TRPC7: variants seen among roughly 807,000 people sequenced by gnomAD.
The protein encoded by TRPC7 is transient receptor potential cation channel subfamily C member 7, also known as short transient receptor potential channel 7.
In TRPC7, 42 loss-of-function variants were observed where a neutral mutation model predicts 90.1. The observed-to-expected ratio is 0.47, with a 90% CI of 0.36 to 0.60. The LOEUF (loss-of-function observed/expected upper bound fraction) is 0.60. Ranked by LOEUF, TRPC7 falls within the 20% of genes least tolerant of loss-of-function variation. The pLI is 0.00. For synonymous variants in TRPC7, 451 were observed against 436.3 expected, an observed-to-expected ratio of 1.03 and a Z score of -0.42; for missense variants, 955 against 1,112.3, an observed-to-expected ratio of 0.86 and a Z score of 2.01.
At chr5:136,340,126 T>A (rs566178708) in intron 2 of TRPC7, among the ~76,000 whole-genome samples, 1 of 152,234 alleles carries the variant, frequency 6.6e-6, no homozygotes, top group African/African-American at 2.4e-5. Flanking sequence ...CACATTGGAA[T>A]ACTATCTAGT....
intron 7 of TRPC7, among the ~76,000 whole-genome samples, chr5:136,239,988 C>G (rs948204276): frequency 9.2e-5 from 14 of 152,214 alleles, no homozygotes; most frequent in African/African-American, 3.4e-4. Context: ...GCAGTTGCCA[C>G]AGCACTCTTC....
intron 5 of TRPC7, among the ~76,000 whole-genome samples, chr5:136,257,433 G>A (rs1047209761): frequency 1.3e-5 from 2 of 151,964 alleles, no homozygotes; most frequent in Non-Finnish European, 2.9e-5. Flanking sequence ...CTCCCACCTC[G>A]GCCTCCCAAA....
intron 4 of TRPC7, among the ~76,000 whole-genome samples, chr5:136,273,414 C>T (rs1490213992): frequency 6.6e-6 from 1 of 152,144 alleles, no homozygotes; most frequent in African/African-American, 2.4e-5. Context: ...GAAGCAAAAT[C>T]CTCAATAGAT....
rs150135379 is a variant in TRPC7, at chr5:136,325,390, G to A, written c.781-9611C>T. ...GAAAAGTAGCTGATGTGAGAAGTAGGGTCAAGAGAAGCTTGTTTTTTCCCT... is the reference window on the plus strand; with the variant it reads ...GAAAAGTAGCTGATGTGAGAAGTAGAGTCAAGAGAAGCTTGTTTTTTCCCT... On this transcript the variant is annotated intron_variant, in intron 2 of 11. Coordinates refer to ENST00000513104, the MANE Select transcript of TRPC7 (RefSeq NM_020389.3). Among the ~76,000 whole-genome samples the A allele has an allele frequency of 3.4e-3, 514 of 152,184 alleles. 1 individual carries two copies. Among genetic ancestry groups the A allele is most frequent in the African/African-American group, 0.011 (472 of 41,520 alleles).
intron 7 of TRPC7, 84 bp from the exon 8 acceptor site, chr5:136,231,633 C>G (rs560601476): frequency 9.1e-6 from 12 of 1,322,728 alleles, no homozygotes; most frequent in Middle Eastern, 2.7e-4. Flanking sequence ...GAGACAGGGT[C>G]TCACTCTGTT....
chr5:136,242,323 C>A (rs1462298105), intron 7 of TRPC7, among the ~76,000 whole-genome samples: 1 of 152,162 alleles, frequency 6.6e-6, no homozygotes, highest in East Asian at 1.9e-4. Context: ...GAGTTGCCAG[C>A]AGGTGTACTA....
chr5:136,303,559 G>C (rs1052868837), intron 3 of TRPC7, among the ~76,000 whole-genome samples: 18 of 152,052 alleles, frequency 1.2e-4, no homozygotes, highest in Admixed American at 9.2e-4. Flanking sequence ...CATTCCTCCA[G>C]AACCTCCTCC....
At chr5:136,360,486 G>A (rs1282850208) in intron 1 of TRPC7, among the ~76,000 whole-genome samples, 1 of 152,118 alleles carries the variant, frequency 6.6e-6, no homozygotes, top group Non-Finnish European at 1.5e-5. Context: ...AAAAAAATAT[G>A]TGTATAGCTA....
rs748520489 is a variant in TRPC7, at chr5:136,247,497, A to T, written c.1818T>A (p.Gly606=). The change falls in exon 7 of 12, where the codon GGT becomes GGA. Residue 606 remains glycine (G), a synonymous_variant. Transcript: ENST00000513104. This position sits in a 1 kb window ranked among gnomAD's most constrained non-coding sequence, Gnocchi z 4.2. ...TTGTAAACGCTGGGTTGTATTTGGCACCTCGGTAGTAAGAGTACAGGTTGA... is the reference window on the plus strand; with the variant it reads ...TTGTAAACGCTGGGTTGTATTTGGCTCCTCGGTAGTAAGAGTACAGGTTGA... ...GMFNLYSYYR[G]AKYNPAFTTV... 5 of 1,613,492 alleles carry T rather than the reference A, an allele frequency of 3.1e-6. No individual in the cohort carries two copies. Among genetic ancestry groups the T allele is most frequent in the Non-Finnish European group, 4.2e-6 (5 of 1,179,534 alleles).
intron 4 of TRPC7, 125 bp downstream of exon 4, chr5:136,274,548 C>G (rs1757300776): frequency 9.3e-7 from 1 of 1,073,632 alleles, no homozygotes. Context: ...CACCGGGTAT[C>G]TCAGGAATAT....
intron 2 of TRPC7, among the ~76,000 whole-genome samples, chr5:136,331,904 A>G (rs987182267): frequency 6.6e-6 from 1 of 152,144 alleles, no homozygotes; most frequent in African/African-American, 2.4e-5. Context: ...AGCAGAATGG[A>G]CAGTCCCTAC....
At chr5:136,310,953 C>T (rs978625689) in intron 3 of TRPC7, among the ~76,000 whole-genome samples, 3 of 152,114 alleles carry the variant, frequency 2.0e-5, no homozygotes, top group African/African-American at 7.2e-5. Flanking sequence ...ACAGCCATGC[C>T]TGCCTGATAA....
intron 8 of TRPC7, among the ~76,000 whole-genome samples, chr5:136,226,967 C>G (rs1020786296): frequency 1.3e-5 from 2 of 152,238 alleles, no homozygotes; most frequent in African/African-American, 4.8e-5. Context: ...TGGTTAGTGG[C>G]TACCACACTG....
Position 136,274,735 on chromosome 5 carries a change from A to C in TRPC7, c.1066T>G (p.Phe356Val). The change falls in exon 4 of 12, where the codon TTT becomes GTT. Residue 356 changes from phenylalanine (F) to valine (V), a missense_variant. By Grantham distance (50) the Phe-to-Val change is conservative (BLOSUM62 -1). This residue lies in a region of TRPC7 where 484 missense variants were observed against 509.6 expected (regional missense o/e 0.95). Transcript: ENST00000513104. ...QSIAVKFLAV[F>V]GVSIGLPFLA... ...AAAGGGAGGCCTATGGAGACTCCAA[A>C]GACAGCCAGGAATTTCACAGCGATA... is the stretch of plus-strand genomic sequence containing the variant. The C allele has an allele frequency of 6.2e-7, 1 of 1,612,924 alleles. No homozygotes were observed. Among genetic ancestry groups the C allele is most frequent in the Non-Finnish European group, 8.5e-7 (1 of 1,179,538 alleles).
intron 2 of TRPC7, among the ~76,000 whole-genome samples, chr5:136,336,039 G>A (rs150507599): frequency 1.1e-3 from 163 of 151,388 alleles, no homozygotes; most frequent in African/African-American, 3.8e-3. Flanking sequence ...TGTCCACTGA[G>A]GACACTGAGC....
chr5:136,232,904 A>G (rs1261255918), intron 7 of TRPC7, among the ~76,000 whole-genome samples: 1 of 151,974 alleles, frequency 6.6e-6, no homozygotes, highest in Non-Finnish European at 1.5e-5. Context: ...TTCAACACTC[A>G]CCCACAAATG....
intron 3 of TRPC7, among the ~76,000 whole-genome samples, chr5:136,310,913 C>T (rs539992194): frequency 1.3e-5 from 2 of 152,228 alleles, no homozygotes; most frequent in African/African-American, 4.8e-5. Flanking sequence ...CACAATTTGT[C>T]AGATGGAACT....
intron 4 of TRPC7, among the ~76,000 whole-genome samples, chr5:136,274,228 T>C (rs1465948384): frequency 6.6e-6 from 1 of 152,202 alleles, no homozygotes; most frequent in Non-Finnish European, 1.5e-5. Flanking sequence ...TCATAAAGCA[T>C]ACATGTCATA....
intron 3 of TRPC7, among the ~76,000 whole-genome samples, chr5:136,292,046 G>C (rs1757977779): frequency 6.6e-6 from 1 of 152,036 alleles, no homozygotes; most frequent in African/African-American, 2.4e-5. Flanking sequence ...ATGACTACTG[G>C]GTACATAACG....
Sources: gnomAD v4.1 joint callset for allele counts (sites outside exome capture counted in the v4.1 genomes callset) on GRCh38, gnomAD v4.1.1 for gene constraint, gnomAD v4.1.1 regional missense constraint, Gnocchi (gnomAD v3.1) non-coding constraint, MANE v1.5 for transcripts, NCBI Gene and HGNC (gene_info 2026-07-23, HGNC 2026-07-21) for gene names.